Variants in FHOD3 observed in about 807,000 individuals in gnomAD.
FHOD3 encodes the protein formin homology 2 domain containing 3, also known as FH1/FH2 domain-containing protein 3.
A neutral mutation model predicts 173.0 loss-of-function variants in FHOD3; 90 were observed. That is an observed-to-expected ratio of 0.52 (90% CI 0.44 to 0.62). FHOD3 has a LOEUF of 0.62. Ranked by LOEUF, FHOD3 falls within the 20% of genes least tolerant of loss-of-function variation. FHOD3 has a pLI of 0.00. For synonymous variants in FHOD3, 828 were observed against 823.0 expected, an observed-to-expected ratio of 1.01 and a Z score of -0.10; for missense variants, 1,945 against 2,034.7, an observed-to-expected ratio of 0.96 and a Z score of 0.85.
chr18:36,643,658 T>C (rs1442618119), intron 10 of FHOD3, among the ~76,000 whole-genome samples: 1 of 152,228 alleles, frequency 6.6e-6, no homozygotes, highest in African/African-American at 2.4e-5. Flanking sequence ...TAGAAAATGG[T>C]ATCTCACTGT....
chr18:36,460,056 A>C (rs1363086902), intron 3 of FHOD3, among the ~76,000 whole-genome samples: 2 of 152,174 alleles, frequency 1.3e-5, no homozygotes, highest in Non-Finnish European at 2.9e-5. Context: ...TGTCTTTCTC[A>C]TCATTAGAAT....
chr18:36,715,147 C>G (rs956526034), intron 18 of FHOD3, among the ~76,000 whole-genome samples: 2 of 152,174 alleles, frequency 1.3e-5, no homozygotes, highest in African/African-American at 4.8e-5. Flanking sequence ...GTGTTCTCAC[C>G]CAAATCTCAT....
At chr18:36,366,080 G>A (rs997428866) in intron 2 of FHOD3, among the ~76,000 whole-genome samples, 4 of 152,148 alleles carry the variant, frequency 2.6e-5, no homozygotes, top group South Asian at 2.1e-4. Context: ...AGAGGCTGAC[G>A]CACTTAGAGT....
At chr18:36,533,877 A>G (rs942339728) in intron 5 of FHOD3, among the ~76,000 whole-genome samples, 1 of 152,156 alleles carries the variant, frequency 6.6e-6, no homozygotes, top group African/African-American at 2.4e-5. Flanking sequence ...TTTTTGAGAA[A>G]TATCTTCCCC....
At chr18:36,604,030 T>TC (rs1222045550) in intron 8 of FHOD3, among the ~76,000 whole-genome samples, 4 of 152,290 alleles carry the variant, frequency 2.6e-5, no homozygotes, top group Non-Finnish European at 2.9e-5. Flanking sequence ...CCCTCCCTGA[T>TC]CACCACCTTG....
intron 5 of FHOD3, 133 bp downstream of exon 5, chr18:36,512,676 C>CA (rs1295701895): frequency 1.5e-5 from 9 of 602,648 alleles, no homozygotes; most frequent in South Asian, 3.8e-5. Flanking sequence ...CACCCTTTGG[C>CA]AAAAAAACAT....
chr18:36,689,320 G>A (rs2038816969), intron 16 of FHOD3, among the ~76,000 whole-genome samples: 1 of 152,146 alleles, frequency 6.6e-6, no homozygotes, highest in Non-Finnish European at 1.5e-5. Flanking sequence ...ATGTGTGTTT[G>A]TCAAGTCCCA....
At chr18:36,454,571 T>C (rs2052057631) in intron 3 of FHOD3, among the ~76,000 whole-genome samples, 2 of 152,200 alleles carry the variant, frequency 1.3e-5, no homozygotes, top group Admixed American at 1.3e-4. Flanking sequence ...ATGCATTGTG[T>C]ACCTATTGAT....
chr18:36,482,682 C>A (rs2053967105), intron 3 of FHOD3, among the ~76,000 whole-genome samples: 2 of 152,116 alleles, frequency 1.3e-5, no homozygotes, highest in South Asian at 4.1e-4. Flanking sequence ...CTGTCTTATA[C>A]TTTGTGTAAT....
intron 16 of FHOD3, among the ~76,000 whole-genome samples, chr18:36,692,313 C>T (rs561740): frequency 6.6e-6 from 1 of 152,058 alleles, no homozygotes; most frequent in Non-Finnish European, 1.5e-5. Context: ...GCAAAGTGAG[C>T]GTCTTGAGTA....
intron 3 of FHOD3, among the ~76,000 whole-genome samples, chr18:36,392,236 C>G (rs143798816): frequency 2.7e-4 from 41 of 152,278 alleles, no homozygotes; most frequent in African/African-American, 9.4e-4. Flanking sequence ...GAACCCCCAC[C>G]CAGCACAGAG....
intron 25 of FHOD3, 147 bp from the exon 26 acceptor site, chr18:36,758,971 A>G (rs2042751824): frequency 1.3e-5 from 11 of 843,908 alleles, no homozygotes; most frequent in Non-Finnish European, 1.7e-5. Flanking sequence ...GCAGCTCCCA[A>G]CTCAAGAGGA....
At chr18:36,763,213 G>A (rs1182357742) in intron 27 of FHOD3, among the ~76,000 whole-genome samples, 2 of 142,722 alleles carry the variant, frequency 1.4e-5, no homozygotes, top group Non-Finnish European at 3.0e-5. Context: ...TTATATATGT[G>A]TACTATACGT....
chr18:36,480,945 C>G (rs1461183580), intron 3 of FHOD3, among the ~76,000 whole-genome samples: 1 of 146,512 alleles, frequency 6.8e-6, no homozygotes, highest in Non-Finnish European at 1.5e-5. Flanking sequence ...TTCATGTTCT[C>G]TGGAAACTCA....
At chr18:36,584,224 G>A (rs911065428) in intron 6 of FHOD3, among the ~76,000 whole-genome samples, 1 of 152,116 alleles carries the variant, frequency 6.6e-6, no homozygotes, top group African/African-American at 2.4e-5. Context: ...CTTTCTGGGT[G>A]GATAGAACAC....
chr18:36,563,973 TG>T (rs1411736082), intron 5 of FHOD3, among the ~76,000 whole-genome samples: 2 of 152,128 alleles, frequency 1.3e-5, no homozygotes, highest in African/African-American at 4.8e-5. Context: ...TAAGCAGGGA[TG>T]TCAGTCAGGG....
At chr18:36,510,873 C>T (rs2055595498) in intron 4 of FHOD3, among the ~76,000 whole-genome samples, 1 of 152,170 alleles carries the variant, frequency 6.6e-6, no homozygotes, top group Non-Finnish European at 1.5e-5. Context: ...ACATCACTCA[C>T]CCACCCTTCC....
intron 1 of FHOD3, among the ~76,000 whole-genome samples, chr18:36,327,133 A>G (rs1272936561): frequency 1.3e-5 from 2 of 152,254 alleles, no homozygotes. Flanking sequence ...AAGGCAGCTC[A>G]GATGTTTCAC....
intron 3 of FHOD3, among the ~76,000 whole-genome samples, chr18:36,454,872 C>T (rs1298948180): frequency 3.3e-5 from 5 of 152,268 alleles, no homozygotes; most frequent in East Asian, 3.9e-4. Flanking sequence ...TCAGAGACAC[C>T]GGTTTTCATG....
Sources: allele counts gnomAD v4.1 joint callset (sites outside exome capture counted in the v4.1 genomes callset), GRCh38; gene constraint gnomAD v4.1.1; transcripts MANE v1.5; gene names NCBI Gene and HGNC (gene_info 2026-07-23, HGNC 2026-07-21).